The following CEND1 variants were observed in gnomAD, a reference collection of about 807,000 sequenced individuals.
CEND1 encodes the protein cell cycle exit and neuronal differentiation 1, also known as cell cycle exit and neuronal differentiation protein 1.
A neutral mutation model predicts 4.4 loss-of-function variants in CEND1; 1 was observed. The ratio of observed to expected loss-of-function variants is 0.23; its 90% CI spans 0.08 to 1.09. The LOEUF (loss-of-function observed/expected upper bound fraction) is 1.09. CEND1 is among the 50% of genes least tolerant of loss of function. CEND1 has a pLI of 0.55. For missense variants in CEND1, 213 were observed against 201.2 expected (o/e 1.06, Z -0.35); for synonymous variants, 109 against 93.0 (o/e 1.17, Z -0.99).
chr11:789,818 G>T (rs528906725), intron 1 of CEND1, among the ~76,000 whole-genome samples: 1 of 152,322 alleles, frequency 6.6e-6, no homozygotes, highest in South Asian at 2.1e-4. Flanking sequence ...CATCAAGTTT[G>T]CAAAGAGCAG....
chr11:789,434 C>T (rs2133687355), intron 1 of CEND1, among the ~76,000 whole-genome samples: 2 of 152,330 alleles, frequency 1.3e-5, no homozygotes, highest in South Asian at 2.1e-4. Context: ...ACATGCTGCA[C>T]TTGGCCCGCG....
intron 1 of CEND1, 31 bp from the exon 2 acceptor site, chr11:788,689 G>T (rs115280692): frequency 9.4e-7 from 1 of 1,066,208 alleles, no homozygotes; most frequent in Non-Finnish European, 1.3e-6. Flanking sequence ...GGCTGCGCGC[G>T]GGTCCAGTCC....
In CEND1 at chr11:788,534, T is replaced by C; in HGVS notation, c.43A>G (p.Thr15Ala). Reference protein sequence around the residue: ...GKSASSPKPDTKVPQVTTEAK... With the variant: ...GKSASSPKPDAKVPQVTTEAK... ...TCGGTGGTGACCTGGGGCACCTTGGTGTCGGGCTTGGGGCTGCTGGCTGAC... is the reference window on the plus strand; with the variant it reads ...TCGGTGGTGACCTGGGGCACCTTGGCGTCGGGCTTGGGGCTGCTGGCTGAC... The change falls in exon 2 of 2, where the codon ACC becomes GCC. Residue 15 changes from threonine to alanine, a missense_variant. Transcript: ENST00000330106. 3 of 1,524,010 alleles carry C rather than the reference T, an allele frequency of 2.0e-6. No individual in the cohort carries two copies. Among genetic ancestry groups the C allele is most frequent in the Non-Finnish European group, 2.6e-6 (3 of 1,136,854 alleles). 94.4% of individuals were successfully genotyped at this position (1,524,010 alleles called of 1,614,324 possible).
rs1204475309 is a variant in CEND1, at chr11:787,126, G to A, written c.*1001C>T. The A allele has an allele frequency of 1.3e-5, 2 of 152,328 alleles. No individual in the cohort carries two copies. Among genetic ancestry groups the A allele is most frequent in the Non-Finnish European group, 2.9e-5 (2 of 68,096 alleles). 9.4% of individuals were successfully genotyped at this position (152,328 alleles called of 1,614,324 possible). A position where few individuals can be genotyped will look rare whatever the true frequency, so the allele number is the denominator to read the frequency against. On this transcript the variant is annotated 3_prime_UTR_variant, in exon 2 of 2. Coordinates refer to ENST00000330106, the MANE Select transcript of CEND1 (RefSeq NM_016564.4). ...ATGCAAGAGCAGCCTTCAGACGACA[G>A]AGTTTATTTCAGACTCAGCCTCCAC...
chr11:788,114 T>G lies in CEND1; in HGVS notation c.*13A>C, dbSNP rs1016784297. The G allele has an allele frequency of 1.3e-6, 2 of 1,521,466 alleles. No individual in the cohort carries two copies. The highest frequency in any genetic ancestry group is 2.8e-5 in the African/African-American group (2 of 72,058). 94.2% of individuals were successfully genotyped at this position (1,521,466 alleles called of 1,614,324 possible). A position where few individuals can be genotyped will look rare whatever the true frequency, so the allele number is the denominator to read the frequency against. ...AGGAAGTGGCTCCGTGCCCCCCGCC[T>G]GGCCCCCAGGTATTATTTTTTCCGG... On this transcript the variant is annotated 3_prime_UTR_variant, in exon 2 of 2. Coordinates refer to ENST00000330106, the MANE Select transcript of CEND1 (RefSeq NM_016564.4).
rs548444765 is a variant in CEND1, at chr11:788,510, C to T, written c.67G>A (p.Glu23Lys). 3.3e-6 allele frequency: 5 copies of T among 1,528,214 alleles called. No individual in the cohort carries two copies. The highest frequency in any genetic ancestry group is 3.5e-6 in the Non-Finnish European group (4 of 1,137,950). The allele number at this position is 1,528,214 out of a possible 1,614,324, so 94.7% of individuals were successfully genotyped here. A position where few individuals can be genotyped will look rare whatever the true frequency, so the allele number is the denominator to read the frequency against. ...TCGGCTGCCGGGGGTACCTTGGCCT[C>T]GGTGGTGACCTGGGGCACCTTGGTG... ...PDTKVPQVTT[E>K]AKVPPAADGK... is the part of the protein sequence containing the mutation. Residue 23 changes from glutamate (E) to lysine (K), a missense_variant, in exon 2 of 2, where the codon GAG (glutamate) becomes AAG (lysine). Transcript: ENST00000330106.
chr11:789,660 C>T (rs1171284803), intron 1 of CEND1, among the ~76,000 whole-genome samples: 1 of 152,062 alleles, frequency 6.6e-6, no homozygotes. Flanking sequence ...TTCCCCACCC[C>T]CCGCCAGGTG....
chr11:787,852 A>T lies in CEND1; in HGVS notation c.*275T>A. ...GTGGGGGGGGCCACACACAGGGTCCATTCCTTTCTTGCCGTTCCCCAGCTG... is the reference window on the plus strand; with the variant it reads ...GTGGGGGGGGCCACACACAGGGTCCTTTCCTTTCTTGCCGTTCCCCAGCTG... On this transcript the variant is annotated 3_prime_UTR_variant, in exon 2 of 2. Coordinates refer to ENST00000330106, the MANE Select transcript of CEND1 (RefSeq NM_016564.4). 1 of 276,852 alleles carries T rather than the reference A, an allele frequency of 3.6e-6. No individual in the cohort carries two copies. Among genetic ancestry groups the T allele is most frequent in the Non-Finnish European group, 6.7e-6 (1 of 149,336 alleles). 17.1% of individuals were successfully genotyped at this position (276,852 alleles called of 1,614,324 possible). A position where few individuals can be genotyped will look rare whatever the true frequency, so the allele number is the denominator to read the frequency against.
Position 788,109 on chromosome 11 carries a change from C to T in CEND1, c.*18G>A, listed in dbSNP as rs1226543470. ...TGTACAGGAAGTGGCTCCGTGCCCCCCGCCTGGCCCCCAGGTATTATTTTT... is the reference window on the plus strand; with the variant it reads ...TGTACAGGAAGTGGCTCCGTGCCCCTCGCCTGGCCCCCAGGTATTATTTTT... On this transcript the variant is annotated 3_prime_UTR_variant, in exon 2 of 2. Transcript: ENST00000330106. The T allele has an allele frequency of 9.3e-6, 14 of 1,508,436 alleles. No individual in the cohort carries two copies. The highest frequency in any genetic ancestry group is 1.2e-5 in the Non-Finnish European group (14 of 1,135,444). The allele number at this position is 1,508,436 out of a possible 1,614,324, so 93.4% of individuals were successfully genotyped here.
chr11:788,705 G>A (rs1864394371), intron 1 of CEND1, 47 bp from the exon 2 acceptor site: 2 of 841,296 alleles, frequency 2.4e-6, no homozygotes, highest in South Asian at 3.2e-5. Flanking sequence ...AGTCCCCCCT[G>A]TGCTGCCCCG....
intron 1 of CEND1, 40 bp from the exon 2 acceptor site, chr11:788,698 C>A: frequency 2.2e-6 from 2 of 928,160 alleles, no homozygotes; most frequent in Non-Finnish European, 1.5e-6. Context: ...CGGGTCCAGT[C>A]CCCCCTGTGC....
intron 1 of CEND1, among the ~76,000 whole-genome samples, 153 bp downstream of exon 1, chr11:789,877 G>A (rs1304561551): frequency 6.6e-6 from 1 of 152,134 alleles, no homozygotes; most frequent in African/African-American, 2.4e-5. Context: ...CATCCCGGCC[G>A]CCGCCTCCCT....
intron 1 of CEND1, 135 bp downstream of exon 1, chr11:789,895 G>A (rs1429411039): frequency 6.5e-6 from 1 of 152,754 alleles, no homozygotes; most frequent in East Asian, 1.9e-4. Context: ...CCTCTCCCGG[G>A]ATCAACTGAG....
In CEND1 at chr11:788,312, C is replaced by T. The variant is rs758729991; in HGVS notation, c.265G>A (p.Asp89Asn). 5.8e-5 allele frequency: 93 copies of T among 1,611,710 alleles called. No homozygotes were observed. The highest frequency in any genetic ancestry group is 7.6e-5 in the Non-Finnish European group (89 of 1,178,610). ...KPAPTVPSSPDATPEPKGPGD... is the reference protein window; with the variant it reads ...KPAPTVPSSPNATPEPKGPGD... ...GGACCCTTGGGCTCCGGGGTTGCAT[C>T]GGGACTGCTGGGGACCGTGGGGGCT... The change falls in exon 2 of 2, where the codon GAT becomes AAT. Residue 89 changes from aspartate to asparagine, a missense_variant. Transcript: ENST00000330106.
rs750922024 is a variant in CEND1, at chr11:788,458, G to A, written c.119C>T (p.Ser40Leu). 34 of 1,571,710 alleles carry A rather than the reference G, an allele frequency of 2.2e-5. No individual in the cohort carries two copies. The highest frequency in any genetic ancestry group is 1.8e-4 in the Middle Eastern group (1 of 5,452). Residue 40 changes from serine to leucine, a missense_variant, in exon 2 of 2, where the codon TCG (serine) becomes TTG (leucine). Transcript: ENST00000330106. ...ADGKAPLTKP[S>L]KKEAPAEKQQ... ...CTTCTCGGCCGGGGCCTCCTTCTTC[G>A]AGGGCTTGGTCAAGGGGGCTTTCCC...
At chr11:789,739 GCT>G (rs1864420087) in intron 1 of CEND1, among the ~76,000 whole-genome samples, 3 of 152,024 alleles carry the variant, frequency 2.0e-5, no homozygotes, top group Admixed American at 2.0e-4. Flanking sequence ...AGGCCCAGCT[GCT>G]GCCACCTCCC....
intron 1 of CEND1, 69 bp from the exon 2 acceptor site, chr11:788,727 C>G (rs905116892): frequency 1.6e-6 from 1 of 609,482 alleles, no homozygotes; most frequent in African/African-American, 1.9e-5. Context: ...CCACCTGGTC[C>G]CCAGGCAGCC....
In CEND1 at chr11:788,108, C is replaced by A. The variant is rs1355641533; in HGVS notation, c.*19G>T. 4 of 1,506,788 alleles carry A rather than the reference C, an allele frequency of 2.7e-6. No individual in the cohort carries two copies. Among genetic ancestry groups the A allele is most frequent in the Non-Finnish European group, 3.5e-6 (4 of 1,134,622 alleles). 93.3% of individuals were successfully genotyped at this position (1,506,788 alleles called of 1,614,324 possible). On this transcript the variant is annotated 3_prime_UTR_variant, in exon 2 of 2. Transcript: ENST00000330106. ...CTGTACAGGAAGTGGCTCCGTGCCC[C>A]CCGCCTGGCCCCCAGGTATTATTTT...
Position 788,323 on chromosome 11 carries a change from G to A in CEND1, c.254C>T (p.Pro85Leu), listed in dbSNP as rs776699592. The A allele has an allele frequency of 5.6e-6, 9 of 1,607,328 alleles. No individual in the cohort carries two copies. The highest frequency in any genetic ancestry group is 1.1e-5 in the South Asian group (1 of 90,896). The change falls in exon 2 of 2, where the codon CCC becomes CTC. Residue 85 changes from proline (P) to leucine (L), a missense_variant. Pro to Leu is a moderately conservative substitution (Grantham distance 98). Coordinates refer to ENST00000330106, the MANE Select transcript of CEND1 (RefSeq NM_016564.4). ...HSNLKPAPTV[P>L]SSPDATPEPK... is the part of the protein sequence containing the mutation. ...CTCCGGGGTTGCATCGGGACTGCTG[G>A]GGACCGTGGGGGCTGGCTTCAGGTT...
Sources: gnomAD v4.1 joint callset for allele counts (sites outside exome capture counted in the v4.1 genomes callset) on GRCh38, gnomAD v4.1.1 for gene constraint, MANE v1.5 for transcripts, NCBI Gene and HGNC (gene_info 2026-07-23, HGNC 2026-07-21) for gene names.